COL24A1: variants seen among roughly 807,000 people sequenced by gnomAD.
COL24A1 encodes collagen alpha-1(XXIV) chain.
Under a neutral mutation model 253.9 loss-of-function variants are expected in COL24A1, and 224 were observed. The ratio of observed to expected loss-of-function variants is 0.88; its 90% CI spans 0.79 to 0.99. The LOEUF (loss-of-function observed/expected upper bound fraction) is 0.99. COL24A1 is among the 50% of genes least tolerant of loss of function. The pLI is 0.00. For missense variants in COL24A1, 2,131 were observed against 2,068.5 expected, an observed-to-expected ratio of 1.03 and a Z score of -0.59; for synonymous variants, 685 against 673.7, an observed-to-expected ratio of 1.02 and a Z score of -0.26.
intron 18 of COL24A1, 104 bp from the exon 19 acceptor site, chr1:86,017,308 ATCATG>A (rs1407798995): frequency 2.0e-6 from 2 of 1,001,862 alleles, no homozygotes; most frequent in African/African-American, 3.5e-5. Context: ...TCATTATATT[ATCATG>A]TCAAACAAGG....
intron 14 of COL24A1, among the ~76,000 whole-genome samples, chr1:86,025,498 C>T (rs975138888): frequency 3.9e-5 from 6 of 152,134 alleles, no homozygotes; most frequent in African/African-American, 4.8e-5. Context: ...CATACTCACA[C>T]GTGATACACA....
chr1:85,949,211 A>T (rs1440082498), intron 24 of COL24A1, among the ~76,000 whole-genome samples: 1 of 152,184 alleles, frequency 6.6e-6, no homozygotes, highest in Non-Finnish European at 1.5e-5. Context: ...CTGATAAGTG[A>T]AAGAGTCTTG....
rs370691445 is a variant in COL24A1 at position 86,143,923 on chromosome 1, G to A, written c.121+2196C>T. Among the ~76,000 whole-genome samples the A allele has an allele frequency of 3.9e-5, 6 of 152,110 alleles. No homozygotes were observed. In the South Asian group the frequency reaches 1.0e-3, roughly 26 times the overall value. On this transcript the variant is annotated intron_variant, in intron 2 of 59. Transcript: ENST00000370571. Reference sequence around the variant, plus strand: ...AGCAGTATTAATATAAATAATATCTGTGATCATATAAAAACACAATTTATC... The same window carrying A: ...AGCAGTATTAATATAAATAATATCTATGATCATATAAAAACACAATTTATC...
intron 28 of COL24A1, 48 bp downstream of exon 28, chr1:85,907,146 G>T (rs1295035062): frequency 4.2e-6 from 6 of 1,417,264 alleles, no homozygotes; most frequent in Non-Finnish European, 5.9e-6. Context: ...CACTATTTAT[G>T]AAGTAATTTT....
intron 28 of COL24A1, among the ~76,000 whole-genome samples, chr1:85,902,562 T>C (rs1684420061): frequency 6.6e-6 from 1 of 152,186 alleles, no homozygotes; most frequent in Non-Finnish European, 1.5e-5. Context: ...ACAAAACTAA[T>C]ATAATTTGTA....
chr1:85,797,177 C>T (rs901193221), intron 47 of COL24A1, among the ~76,000 whole-genome samples: 4 of 134,784 alleles, frequency 3.0e-5, no homozygotes, highest in African/African-American at 5.6e-5. Flanking sequence ...TACTGCACTC[C>T]GGCCTGGGCG....
At position 85,735,242 on chromosome 1, in the gene COL24A1, G is replaced by A. The variant is rs563234723; in HGVS notation, c.4783-278C>T. 1.1e-4 allele frequency among the ~76,000 whole-genome samples: 16 copies of A among 152,278 alleles called. No individual in the cohort carries two copies. The South Asian group carries it at 3.3e-3, about 32-fold the overall frequency. On this transcript the variant is annotated intron_variant, in intron 58 of 59. Coordinates refer to ENST00000370571, the MANE Select transcript of COL24A1 (RefSeq NM_152890.7). ...TTCAGACTACCAAGGTGAGGTCACT[G>A]AACACGGCAATGGGAAGAAATGTTA... is the stretch of plus-strand genomic sequence containing the variant.
chr1:86,083,073 G>A (rs914324757), intron 7 of COL24A1, among the ~76,000 whole-genome samples: 21 of 151,998 alleles, frequency 1.4e-4, no homozygotes, highest in Non-Finnish European at 2.9e-4. Flanking sequence ...CGAGGCGGGC[G>A]AATCATGAGG....
chr1:85,948,493 C>A (rs182910798), intron 24 of COL24A1, among the ~76,000 whole-genome samples: 1,953 of 134,008 alleles, frequency 0.015, 40 homozygotes, highest in African/African-American at 0.053. Flanking sequence ...CACTGCACTC[C>A]AGCCTGGGCG....
At chr1:85,790,570 C>A (rs1295937856) in intron 47 of COL24A1, among the ~76,000 whole-genome samples, 1 of 151,622 alleles carries the variant, frequency 6.6e-6, no homozygotes, top group Non-Finnish European at 1.5e-5. Context: ...ACTTCCATTG[C>A]TTTGTACTGT....
Position 85,910,003 on chromosome 1 carries a change from CCTTTTAAG to C in COL24A1, c.2617-8_2617-1del. On this transcript the variant is annotated splice_acceptor_variant and splice_polypyrimidine_tract_variant and intron_variant, in intron 25 of 59. Coordinates refer to ENST00000370571, the MANE Select transcript of COL24A1 (RefSeq NM_152890.7). LOFTEE classifies it high-confidence loss of function. ...AGTGGGCCTGGACTTCCACGTTCTC[CCTTTTAAG>C]AGAACAAAGAAAAAAGAGTAACATA... is the stretch of plus-strand genomic sequence containing the variant. 6.2e-7 allele frequency: 1 copy of C among 1,608,634 alleles called. No individual in the cohort carries two copies. The highest frequency in any genetic ancestry group is 8.5e-7 in the Non-Finnish European group (1 of 1,175,724).
rs768947778 is a variant in COL24A1 at position 85,789,460 on chromosome 1, C to T, written c.3952-2999G>A. Among the ~76,000 whole-genome samples the T allele has an allele frequency of 3.9e-5, 6 of 152,094 alleles. No homozygotes were observed. In the East Asian group the frequency reaches 7.7e-4, roughly 20 times the overall value. ...CTTCTCAGCTTAAGAAGCTTTTGGG[C>T]TGAAAAGATGGGGTTTTCTAGATAT... is the stretch of plus-strand genomic sequence containing the variant. On this transcript the variant is annotated intron_variant, in intron 47 of 59. Coordinates refer to ENST00000370571, the MANE Select transcript of COL24A1 (RefSeq NM_152890.7).
At chr1:86,082,640 T>TATAACATATATTTATATAAATAG (rs1702733876) in intron 7 of COL24A1, among the ~76,000 whole-genome samples, 1 of 148,116 alleles carries the variant, frequency 6.8e-6, no homozygotes, top group Non-Finnish European at 1.5e-5. Flanking sequence ...TATATAAATA[T>TATAACATATATTTATATAAATAG]ATAACATATA....
At chr1:85,835,332 A>G (rs959347791) in intron 43 of COL24A1, among the ~76,000 whole-genome samples, 3 of 152,044 alleles carry the variant, frequency 2.0e-5, no homozygotes, top group East Asian at 1.9e-4. Flanking sequence ...GGGTTTCACT[A>G]TGTTGGGCAG....
At position 86,126,226 on chromosome 1, in the gene COL24A1, A is replaced by G; in HGVS notation, c.122-12T>C. 6.4e-7 allele frequency: 1 copy of G among 1,558,154 alleles called. No individual in the cohort carries two copies. Among genetic ancestry groups the G allele is most frequent in the Non-Finnish European group, 8.6e-7 (1 of 1,161,964 alleles). ...AAGAATATCTATGCCTGGAAATTTA[A>G]AAAAGAGAGAGAGAAAGAATCTTAA... On this transcript the variant is annotated splice_polypyrimidine_tract_variant and intron_variant, in intron 2 of 59. Coordinates refer to ENST00000370571, the MANE Select transcript of COL24A1 (RefSeq NM_152890.7).
chr1:85,920,200 C>G (rs924670471), intron 24 of COL24A1, among the ~76,000 whole-genome samples: 7 of 152,074 alleles, frequency 4.6e-5, no homozygotes, highest in Non-Finnish European at 7.4e-5. Context: ...AAAATAATAT[C>G]TAACACAAAG....
At chr1:86,146,864 A>T (rs1651957124) in intron 1 of COL24A1, among the ~76,000 whole-genome samples, 1 of 152,140 alleles carries the variant, frequency 6.6e-6, no homozygotes, top group Non-Finnish European at 1.5e-5. Flanking sequence ...TCTAAGCAAA[A>T]ATGTTTTGTG....
At chr1:85,765,235 A>G (rs2101156351) in intron 53 of COL24A1, among the ~76,000 whole-genome samples, 1 of 152,316 alleles carries the variant, frequency 6.6e-6, no homozygotes, top group East Asian at 1.9e-4. Context: ...ATATTAACTT[A>G]GAGATAATAT....
chr1:86,152,076 C>G (rs1201586032), intron 1 of COL24A1, among the ~76,000 whole-genome samples: 1 of 152,138 alleles, frequency 6.6e-6, no homozygotes, highest in Non-Finnish European at 1.5e-5. Context: ...CTGTTCTTTC[C>G]TCTCAAAATA....
Sources: gnomAD v4.1 joint callset for allele counts (sites outside exome capture counted in the v4.1 genomes callset) on GRCh38, gnomAD v4.1.1 for gene constraint, MANE v1.5 for transcripts, NCBI Gene and HGNC (gene_info 2026-07-23, HGNC 2026-07-21) for gene names.